Variants in ABCA13 observed in about 807,000 individuals in gnomAD.
The protein encoded by ABCA13 is ATP-binding cassette sub-family A member 13.
In ABCA13, 476 loss-of-function variants were observed where a neutral mutation model predicts 478.7. The ratio of observed to expected loss-of-function variants is 0.99; its 90% CI spans 0.92 to 1.07. ABCA13 has a LOEUF of 1.07. Among genes scored for constraint, ABCA13 ranks in the 50% least tolerant of loss-of-function variants. The pLI is 0.00. For missense variants in ABCA13, 6,060 were observed against 5,910.6 expected, an observed-to-expected ratio of 1.03 and a Z score of -0.83; for synonymous variants, 2,252 against 2,158.9, an observed-to-expected ratio of 1.04 and a Z score of -1.20.
chr7:48,297,310 G>A lies in ABCA13; in HGVS notation c.9198G>A (p.Glu3066=). ...TTCTCAGCAATTTCACAGTAACTGA[G>A]GGTAAGTATGTGGTTTTCCAAGTTT... is the stretch of plus-strand genomic sequence containing the variant. ...MTFLSNFTVT[E]DVKIKDLMKN... The change falls in exon 22 of 62, where the codon GAG becomes GAA. Residue 3066 remains glutamate (E), a splice_region_variant and synonymous_variant. Coordinates refer to ENST00000435803, the MANE Select transcript of ABCA13 (RefSeq NM_152701.5). The A allele has an allele frequency of 6.2e-7, 1 of 1,604,834 alleles. No homozygotes were observed. Among genetic ancestry groups the A allele is most frequent in the Non-Finnish European group, 8.5e-7 (1 of 1,175,350 alleles).
At chr7:48,293,685 T>C (rs1798910003) in intron 20 of ABCA13, among the ~76,000 whole-genome samples, 1 of 152,268 alleles carries the variant, frequency 6.6e-6, no homozygotes, top group Non-Finnish European at 1.5e-5. Flanking sequence ...GTTACCTATA[T>C]TTGTCATTTA....
At chr7:48,222,721 GA>G in intron 5 of ABCA13, among the ~76,000 whole-genome samples, 1 of 152,260 alleles carries the variant, frequency 6.6e-6, no homozygotes, top group Admixed American at 6.5e-5. Flanking sequence ...TTGTTACAAT[GA>G]AAGAGTTCTA....
intron 53 of ABCA13, among the ~76,000 whole-genome samples, chr7:48,520,498 T>G (rs924981524): frequency 6.6e-6 from 1 of 152,244 alleles, no homozygotes; most frequent in African/African-American, 2.4e-5. Flanking sequence ...AAGGATAAGG[T>G]GACAAACTGT....
At chr7:48,314,467 G>A (rs955801128) in intron 26 of ABCA13, 58 bp downstream of exon 26, 17 of 1,408,864 alleles carry the variant, frequency 1.2e-5, no homozygotes, top group African/African-American at 8.7e-5. Flanking sequence ...TTGATAATTG[G>A]CCTTAAATTA....
intron 56 of ABCA13, among the ~76,000 whole-genome samples, chr7:48,586,422 C>A (rs62447337): frequency 1.3e-5 from 2 of 152,000 alleles, no homozygotes; most frequent in African/African-American, 4.8e-5. Context: ...AAATCACATC[C>A]TTTGCAGCAG....
At chr7:48,481,528 G>T (rs1828757313) in intron 46 of ABCA13, among the ~76,000 whole-genome samples, 5 of 139,346 alleles carry the variant, frequency 3.6e-5, no homozygotes, top group Admixed American at 2.9e-4. Flanking sequence ...AGAAGCACGA[G>T]AGCCAGAAGC....
chr7:48,281,481 C>T (rs1473354097), intron 19 of ABCA13, 29 bp downstream of exon 19: 5 of 1,552,960 alleles, frequency 3.2e-6, no homozygotes, highest in East Asian at 2.4e-5. Context: ...AAGTGCTCTG[C>T]AATTGCCCTG....
intron 42 of ABCA13, among the ~76,000 whole-genome samples, chr7:48,446,742 T>C (rs1250110889): frequency 1.3e-5 from 2 of 152,192 alleles, no homozygotes; most frequent in Non-Finnish European, 2.9e-5. Flanking sequence ...AGTGCTGTCT[T>C]TTCTTCTTTA....
At chr7:48,535,698 G>T (rs933853035) in intron 55 of ABCA13, among the ~76,000 whole-genome samples, 4 of 152,060 alleles carry the variant, frequency 2.6e-5, no homozygotes, top group African/African-American at 9.7e-5. Context: ...GGCAGTGGGG[G>T]TGGGTGTGTG....
chr7:48,430,423 C>T (rs985103130), intron 42 of ABCA13, among the ~76,000 whole-genome samples: 1 of 152,034 alleles, frequency 6.6e-6, no homozygotes, highest in Non-Finnish European at 1.5e-5. Context: ...CGCCTGTAAT[C>T]CCAGCACTTT....
intron 42 of ABCA13, among the ~76,000 whole-genome samples, chr7:48,445,306 G>A (rs994708903): frequency 4.6e-5 from 7 of 152,126 alleles, no homozygotes; most frequent in African/African-American, 1.7e-4. Flanking sequence ...ACTGTGCCCG[G>A]CCTAGCCAAG....
At chr7:48,342,324 T>A (rs1337404591) in intron 29 of ABCA13, among the ~76,000 whole-genome samples, 1 of 152,182 alleles carries the variant, frequency 6.6e-6, no homozygotes, top group Non-Finnish European at 1.5e-5. Flanking sequence ...CCATCAGCTC[T>A]TAAGAGGTGT....
rs371554946 is a variant in ABCA13, at chr7:48,185,957, T to C, written c.70-7002T>C. The stretch of plus-strand genomic sequence containing the variant: ...ATTAATCCTCTCAATCATTGATTGA[T>C]ATCCTTATATATTGATAAGAATGAC... On this transcript the variant is annotated intron_variant, in intron 1 of 61. Coordinates refer to ENST00000435803, the MANE Select transcript of ABCA13 (RefSeq NM_152701.5). Among the ~76,000 whole-genome samples the C allele has an allele frequency of 3.3e-5, 5 of 152,126 alleles. No homozygotes were observed. The East Asian group carries it at 5.8e-4, about 18-fold the overall frequency.
intron 5 of ABCA13, among the ~76,000 whole-genome samples, chr7:48,223,987 A>G (rs955998519): frequency 2.0e-5 from 3 of 147,118 alleles, no homozygotes; most frequent in African/African-American, 5.0e-5. Flanking sequence ...AGAGAGAGAG[A>G]GAGAGAATGG....
At chr7:48,543,583 C>T (rs1025958736) in intron 55 of ABCA13, among the ~76,000 whole-genome samples, 4 of 151,392 alleles carry the variant, frequency 2.6e-5, no homozygotes, top group East Asian at 1.9e-4. Flanking sequence ...GAGATCGCAC[C>T]GTTGCACTCC....
chr7:48,284,871 C>T (rs146294440), intron 19 of ABCA13, among the ~76,000 whole-genome samples: 2 of 152,274 alleles, frequency 1.3e-5, no homozygotes, highest in African/African-American at 4.8e-5. Context: ...GTGGAATTGA[C>T]CAATGTGGGC....
chr7:48,264,600 A>G (rs1003050298), intron 15 of ABCA13, among the ~76,000 whole-genome samples: 1 of 151,788 alleles, frequency 6.6e-6, no homozygotes, highest in African/African-American at 2.4e-5. Context: ...TGTATATTCA[A>G]ATCTTTCCCA....
intron 31 of ABCA13, among the ~76,000 whole-genome samples, chr7:48,361,713 G>T (rs1036452578): frequency 6.6e-6 from 1 of 151,414 alleles, no homozygotes; most frequent in Non-Finnish European, 1.5e-5. Context: ...ATATCCCATA[G>T]ATCTCATATG....
chr7:48,361,868 C>T (rs1398234297), intron 31 of ABCA13, among the ~76,000 whole-genome samples: 1 of 151,862 alleles, frequency 6.6e-6, no homozygotes, highest in Non-Finnish European at 1.5e-5. Flanking sequence ...TATGTTTACA[C>T]AGCTTACTTG....
Sources: gnomAD v4.1 joint callset for allele counts (sites outside exome capture counted in the v4.1 genomes callset) on GRCh38, gnomAD v4.1.1 for gene constraint, MANE v1.5 for transcripts, NCBI Gene and HGNC (gene_info 2026-07-23, HGNC 2026-07-21) for gene names.